SLC39A11: variants seen among roughly 807,000 people sequenced by gnomAD.
SLC39A11 encodes zinc transporter ZIP11.
In SLC39A11, 33 loss-of-function variants were observed where a neutral mutation model predicts 36.1. That is an observed-to-expected ratio of 0.91 (90% CI 0.69 to 1.22). The LOEUF (loss-of-function observed/expected upper bound fraction) is 1.22, where lower values mean the gene tolerates loss of function less well. SLC39A11 is among the 50% of genes most tolerant of loss of function. SLC39A11 has a pLI of 0.00. For synonymous variants in SLC39A11, 166 were observed against 170.3 expected, an observed-to-expected ratio of 0.97 and a Z score of 0.20; for missense variants, 432 against 430.3, an observed-to-expected ratio of 1.00 and a Z score of -0.03.
At chr17:72,647,746 C>A in intron 9 of SLC39A11, 84 bp from the exon 10 acceptor site, 1 of 1,047,368 alleles carries the variant, frequency 9.5e-7, no homozygotes, top group South Asian at 1.4e-5. Context: ...CTGCAATGTC[C>A]AATTCCAAGA....
intron 6 of SLC39A11, among the ~76,000 whole-genome samples, chr17:72,825,366 A>T (rs1237597144): frequency 6.6e-6 from 1 of 152,222 alleles, no homozygotes; most frequent in Non-Finnish European, 1.5e-5. Context: ...GGGAGCCTCA[A>T]CCTAGATTTC....
At chr17:72,720,057 G>A (rs767776785) in intron 7 of SLC39A11, among the ~76,000 whole-genome samples, 2 of 152,150 alleles carry the variant, frequency 1.3e-5, no homozygotes, top group African/African-American at 2.4e-5. Flanking sequence ...CCTTGCCGTC[G>A]ACACCCCTAG....
chr17:73,064,738 C>G (rs1347581957), intron 3 of SLC39A11, among the ~76,000 whole-genome samples: 2 of 152,112 alleles, frequency 1.3e-5, no homozygotes, highest in Admixed American at 6.5e-5. Context: ...GGAATGAGGC[C>G]AAGAAAACTC....
chr17:72,893,012 A>G (rs1567897054), intron 5 of SLC39A11, among the ~76,000 whole-genome samples: 2 of 152,160 alleles, frequency 1.3e-5, no homozygotes, highest in African/African-American at 4.8e-5. Flanking sequence ...TATGACTTTG[A>G]TTTCAAATAC....
intron 7 of SLC39A11, among the ~76,000 whole-genome samples, chr17:72,699,567 C>T (rs187193238): frequency 6.6e-6 from 1 of 152,346 alleles, no homozygotes; most frequent in East Asian, 1.9e-4. Context: ...TTAATAACAG[C>T]TGCCTCCTTG....
At chr17:72,796,501 C>A (rs1262395664) in intron 6 of SLC39A11, among the ~76,000 whole-genome samples, 2 of 152,150 alleles carry the variant, frequency 1.3e-5, no homozygotes, top group East Asian at 3.9e-4. Flanking sequence ...ACACAGCAGT[C>A]TGAGCTTGGC....
intron 6 of SLC39A11, among the ~76,000 whole-genome samples, chr17:72,809,199 T>TTCTCTTTCTC (rs964473693): frequency 0.013 from 1,380 of 102,320 alleles, 27 homozygotes; most frequent in African/African-American, 0.035. Context: ...TTTCTTTTCT[T>TTCTCTTTCTC]TCTCTCTCTC....
intron 6 of SLC39A11, among the ~76,000 whole-genome samples, chr17:72,751,340 C>T (rs917786021): frequency 6.6e-6 from 1 of 152,166 alleles, no homozygotes; most frequent in Non-Finnish European, 1.5e-5. Flanking sequence ...AATCCTAAAG[C>T]TTCAAACTCT....
chr17:72,897,818 G>T (rs779118407), intron 5 of SLC39A11, among the ~76,000 whole-genome samples: 1 of 152,204 alleles, frequency 6.6e-6, no homozygotes, highest in Non-Finnish European at 1.5e-5. Context: ...TAAAAGAAGT[G>T]TGGGCGGCTG....
chr17:72,954,070 A>G (rs1021639467), intron 4 of SLC39A11, among the ~76,000 whole-genome samples: 1 of 152,174 alleles, frequency 6.6e-6, no homozygotes, highest in Non-Finnish European at 1.5e-5. Flanking sequence ...TTTGAGAGAC[A>G]GAGTCTCACT....
intron 4 of SLC39A11, among the ~76,000 whole-genome samples, chr17:72,956,837 C>T (rs1410066218): frequency 5.9e-5 from 9 of 152,256 alleles, no homozygotes; most frequent in Middle Eastern, 3.4e-3. Flanking sequence ...GTGTATGTAT[C>T]GCACAACTAT....
At chr17:72,938,689 C>G (rs550036859) in intron 5 of SLC39A11, among the ~76,000 whole-genome samples, 1 of 152,306 alleles carries the variant, frequency 6.6e-6, no homozygotes, top group African/African-American at 2.4e-5. Context: ...AAAAGCCTGG[C>G]AGGAATATCC....
At chr17:72,949,020 C>T (rs1343787785) in intron 4 of SLC39A11, among the ~76,000 whole-genome samples, 1 of 151,972 alleles carries the variant, frequency 6.6e-6, no homozygotes, top group Non-Finnish European at 1.5e-5. Flanking sequence ...CATCCAAACA[C>T]CTCAAAGCTA....
At chr17:72,950,880 GGCTGAGCAT>G in intron 4 of SLC39A11, among the ~76,000 whole-genome samples, 1 of 152,160 alleles carries the variant, frequency 6.6e-6, no homozygotes, top group African/African-American at 2.4e-5. Context: ...ATAACTGGGG[GGCTGAGCAT>G]GCTGCTGATA....
At chr17:72,659,574 CT>C (rs34383683) in intron 7 of SLC39A11, among the ~76,000 whole-genome samples, 5,223 of 60,926 alleles carry the variant, frequency 0.086, 21 homozygotes, top group Middle Eastern at 0.12. Context: ...CTCTGTGACT[CT>C]TTTTTTTTTT....
chr17:72,918,933 T>C (rs1373617166), intron 5 of SLC39A11, among the ~76,000 whole-genome samples: 1 of 151,824 alleles, frequency 6.6e-6, no homozygotes, highest in Admixed American at 6.6e-5. Flanking sequence ...CGTGGTGGTA[T>C]GTACCCATAA....
intron 4 of SLC39A11, among the ~76,000 whole-genome samples, chr17:73,018,031 T>C (rs1251194516): frequency 6.6e-6 from 1 of 152,184 alleles, no homozygotes; most frequent in Non-Finnish European, 1.5e-5. Context: ...AGTCATTCAG[T>C]TGAGACCCTA....
intron 3 of SLC39A11, among the ~76,000 whole-genome samples, chr17:73,059,720 T>C (rs2059780796): frequency 6.6e-6 from 1 of 151,672 alleles, no homozygotes; most frequent in African/African-American, 2.4e-5. Context: ...AAAAGATATG[T>C]TTTTGTTAAG....
rs186678548 is a variant in SLC39A11, at chr17:73,081,287, C to T, written c.147+3521G>A. Among the ~76,000 whole-genome samples the T allele has an allele frequency of 6.0e-4, 91 of 152,190 alleles. 1 individual carries two copies. Among genetic ancestry groups the T allele is most frequent in the Admixed American group, 5.8e-3 (89 of 15,274 alleles). On this transcript the variant is annotated intron_variant, in intron 3 of 9. Transcript: ENST00000255559. ...CACAATGCAACACCCCTTACTCCTGCAAGAATGACCATAATGAAAAAATCA... is the reference window on the plus strand; with the variant it reads ...CACAATGCAACACCCCTTACTCCTGTAAGAATGACCATAATGAAAAAATCA...
Sources: gnomAD v4.1 joint callset for allele counts (sites outside exome capture counted in the v4.1 genomes callset) on GRCh38, gnomAD v4.1.1 for gene constraint, MANE v1.5 for transcripts, NCBI Gene and HGNC (gene_info 2026-07-23, HGNC 2026-07-21) for gene names.